The following NAV2 variants were observed in gnomAD, a reference collection of about 807,000 sequenced individuals.
NAV2 encodes the protein neuron navigator 2.
A neutral mutation model predicts 223.2 loss-of-function variants in NAV2; 54 were observed. The ratio of observed to expected loss-of-function variants is 0.24; its 90% CI spans 0.19 to 0.30. The LOEUF (loss-of-function observed/expected upper bound fraction) is 0.30. NAV2 is among the 10% of genes least tolerant of loss of function. The pLI, the probability that NAV2 is intolerant of heterozygous loss-of-function variation, is 1.00. For synonymous variants in NAV2, 1,279 were observed against 1,239.3 expected, an observed-to-expected ratio of 1.03 and a Z score of -0.67; for missense variants, 2,806 against 3,147.5, an observed-to-expected ratio of 0.89 and a Z score of 2.60.
chr11:19,618,371 T>TGGAC (rs2046864147), intron 1 of NAV2, among the ~76,000 whole-genome samples: 2 of 97,304 alleles, frequency 2.1e-5, no homozygotes, highest in Non-Finnish European at 4.2e-5. Flanking sequence ...GATGGATGGA[T>TGGAC]GGATGGATGG....
intron 1 of NAV2, among the ~76,000 whole-genome samples, chr11:19,616,304 C>CTGTGTGTGTGTGTGTG (rs113035353): frequency 7.4e-4 from 104 of 140,706 alleles, no homozygotes; most frequent in African/African-American, 2.6e-3. Flanking sequence ...TTGCTTCTGA[C>CTGTGTGTGTGTGTGTG]TGTGTGTGTG....
At chr11:20,022,833 C>G (rs2054627513) in intron 11 of NAV2, 1 of 1,269,320 alleles carries the variant, frequency 7.9e-7, no homozygotes, top group South Asian at 3.2e-5. Context: ...TTTTGCTTTG[C>G]TGAAACTTTT....
At chr11:19,953,515 T>C (rs939261284) in intron 10 of NAV2, among the ~76,000 whole-genome samples, 5 of 152,244 alleles carry the variant, frequency 3.3e-5, no homozygotes, top group Non-Finnish European at 7.3e-5. Context: ...CTTCCTGGAA[T>C]TCCTTTCCCC....
intron 3 of NAV2, among the ~76,000 whole-genome samples, chr11:19,867,369 T>C (rs866788213): frequency 9.8e-5 from 15 of 152,346 alleles, no homozygotes; most frequent in African/African-American, 3.6e-4. Context: ...CATTGACCTG[T>C]GTAATCTTGG....
chr11:19,536,714 T>C (rs12362980), intron 1 of NAV2, among the ~76,000 whole-genome samples: 23,747 of 152,188 alleles, frequency 0.16, 2,542 homozygotes, highest in African/African-American at 0.3. Flanking sequence ...CCAAATGTGG[T>C]ATCTCTCCTC....
chr11:19,585,057 G>A (rs1004001780), intron 1 of NAV2, among the ~76,000 whole-genome samples: 2 of 152,116 alleles, frequency 1.3e-5, no homozygotes, highest in Non-Finnish European at 2.9e-5. Flanking sequence ...ATGAATCTGG[G>A]TGCTCCTATA....
In NAV2 at chr11:19,495,280, T is replaced by G. The variant is rs548020749; in HGVS notation, c.75+144253T>G. Among the ~76,000 whole-genome samples the G allele has an allele frequency of 1.1e-3, 169 of 152,326 alleles. 2 individuals carry two copies. The highest frequency in any genetic ancestry group is 1.1e-3 in the Non-Finnish European group (76 of 68,028). On this transcript the variant is annotated intron_variant, in intron 1 of 37. Transcript: ENST00000360655. ...CAAGCACCAGGCTCTCCATTAGGAATGGGACATCCAGAAATGAAGTAGTCC... is the reference window on the plus strand; with the variant it reads ...CAAGCACCAGGCTCTCCATTAGGAAGGGGACATCCAGAAATGAAGTAGTCC...
intron 1 of NAV2, among the ~76,000 whole-genome samples, chr11:19,623,403 A>C (rs1436747593): frequency 6.6e-6 from 1 of 152,170 alleles, no homozygotes; most frequent in Non-Finnish European, 1.5e-5. Context: ...CAGGTACACC[A>C]ATCAGACGTA....
intron 1 of NAV2, among the ~76,000 whole-genome samples, chr11:19,522,934 A>T (rs1156420476): frequency 6.6e-6 from 1 of 152,200 alleles, no homozygotes; most frequent in Non-Finnish European, 1.5e-5. Flanking sequence ...TATTGGGAAT[A>T]ATGATGGCTG....
intron 4 of NAV2, 31 bp downstream of exon 4, chr11:19,869,028 T>A (rs1353209197): frequency 6.2e-7 from 1 of 1,602,906 alleles, no homozygotes; most frequent in Non-Finnish European, 8.5e-7. Context: ...CGAAGCTGCC[T>A]CTTCATCATT....
chr11:19,971,340 T>C (rs1484038063), intron 10 of NAV2, among the ~76,000 whole-genome samples: 1 of 152,172 alleles, frequency 6.6e-6, no homozygotes, highest in African/African-American at 2.4e-5. Flanking sequence ...GCCTTTTCAC[T>C]GTGGGATTTT....
intron 2 of NAV2, among the ~76,000 whole-genome samples, chr11:19,840,553 C>A (rs1400593507): frequency 6.6e-6 from 1 of 152,124 alleles, no homozygotes; most frequent in African/African-American, 2.4e-5. Context: ...TTGGAAGACA[C>A]CTTGACTGGC....
chr11:19,827,842 G>A (rs984534451), intron 1 of NAV2, among the ~76,000 whole-genome samples: 3 of 150,074 alleles, frequency 2.0e-5, no homozygotes, highest in African/African-American at 7.4e-5. Context: ...GTGGTGCACC[G>A]GCCTGTAATC....
intron 2 of NAV2, among the ~76,000 whole-genome samples, chr11:19,836,236 A>G (rs2060223053): frequency 6.6e-6 from 1 of 152,126 alleles, no homozygotes; most frequent in Admixed American, 6.5e-5. Flanking sequence ...ACAGCTCTCA[A>G]CTGTCAGGTT....
intron 14 of NAV2, among the ~76,000 whole-genome samples, chr11:20,047,362 G>A (rs1262440892): frequency 6.6e-6 from 1 of 152,196 alleles, no homozygotes; most frequent in East Asian, 1.9e-4. Flanking sequence ...TTCTCTTGAT[G>A]TGTATTAGTA....
chr11:19,811,925 T>G (rs1433944772), intron 1 of NAV2, among the ~76,000 whole-genome samples: 1 of 152,252 alleles, frequency 6.6e-6, no homozygotes, highest in Non-Finnish European at 1.5e-5. Flanking sequence ...AGATACGCGT[T>G]GTCTTTAGAA....
chr11:19,485,121 G>A (rs768121726), intron 1 of NAV2, among the ~76,000 whole-genome samples: 51 of 152,064 alleles, frequency 3.4e-4, no homozygotes, highest in Non-Finnish European at 6.9e-4. Flanking sequence ...AACTCCTGTG[G>A]ACCCCTGGAA....
chr11:19,380,877 A>G (rs1848815436), intron 1 of NAV2, among the ~76,000 whole-genome samples: 1 of 152,150 alleles, frequency 6.6e-6, no homozygotes, highest in Non-Finnish European at 1.5e-5. Flanking sequence ...TCTCAGTGCT[A>G]AAACCAGGAA....
chr11:19,419,554 C>T lies in NAV2; in HGVS notation c.75+68527C>T, dbSNP rs190434128. On this transcript the variant is annotated intron_variant, in intron 1 of 37. Transcript: ENST00000360655. ...GGGGCTTCGAGACCCGCTTCTCAGT[C>T]TGATGTGAAGACGTGGGGAATGATA... Among the ~76,000 whole-genome samples the T allele has an allele frequency of 3.2e-3, 493 of 152,264 alleles. 4 individuals carry two copies. The highest frequency in any genetic ancestry group is 0.011 in the South Asian group (53 of 4,820).
Sources: allele counts gnomAD v4.1 joint callset (sites outside exome capture counted in the v4.1 genomes callset), GRCh38; gene constraint gnomAD v4.1.1; transcripts MANE v1.5; gene names NCBI Gene and HGNC (gene_info 2026-07-23, HGNC 2026-07-21).